BNC2: variants seen among roughly 807,000 people sequenced by gnomAD.
The protein encoded by BNC2 is basonuclin zinc finger protein 2, also known as zinc finger protein basonuclin-2.
In BNC2, 20 loss-of-function variants were observed where a neutral mutation model predicts 76.3. The observed-to-expected ratio is 0.26, with a 90% CI of 0.18 to 0.38. BNC2 has a LOEUF of 0.38. Ranked by LOEUF, BNC2 falls within the 10% of genes least tolerant of loss-of-function variation. The probability of loss-of-function intolerance (pLI) is 1.00; values close to 1 mark genes in which losing one functional copy is unlikely to be tolerated. For synonymous variants in BNC2, 582 were observed against 514.8 expected (o/e 1.13, Z -1.77); for missense variants, 1,382 against 1,399.8 (o/e 0.99, Z 0.20).
intron 5 of BNC2, among the ~76,000 whole-genome samples, chr9:16,472,593 T>A (rs933568734): frequency 6.6e-6 from 1 of 152,202 alleles, no homozygotes; most frequent in Non-Finnish European, 1.5e-5. Flanking sequence ...ACCAGCCTCT[T>A]AGCCTTCAAA....
intron 3 of BNC2, among the ~76,000 whole-genome samples, chr9:16,612,652 C>T (rs768288908): frequency 6.6e-6 from 1 of 152,128 alleles, no homozygotes; most frequent in Non-Finnish European, 1.5e-5. Flanking sequence ...GAGGAATTTA[C>T]AACTGAGTAG....
intron 1 of BNC2, among the ~76,000 whole-genome samples, chr9:16,837,375 G>A (rs1471972767): frequency 2.0e-5 from 3 of 152,068 alleles, no homozygotes; most frequent in African/African-American, 7.2e-5. Flanking sequence ...GTGGTGGCAG[G>A]CGCCTGTAAT....
intron 1 of BNC2, chr9:16,867,266 A>T (rs1819564817): frequency 1.3e-5 from 2 of 152,180 alleles, no homozygotes; most frequent in Non-Finnish European, 2.9e-5. Flanking sequence ...GTTTATATAA[A>T]ACAAAGATGC....
chr9:16,755,898 G>A (rs1220104906), intron 1 of BNC2, among the ~76,000 whole-genome samples: 3 of 152,164 alleles, frequency 2.0e-5, no homozygotes, highest in Non-Finnish European at 4.4e-5. Context: ...TTGTGAATCT[G>A]AGTCCTTACT....
intron 5 of BNC2, among the ~76,000 whole-genome samples, chr9:16,548,857 G>A (rs1818569790): frequency 6.6e-6 from 1 of 152,154 alleles, no homozygotes; most frequent in Non-Finnish European, 1.5e-5. Flanking sequence ...TAAGTACACA[G>A]GAGAATATTG....
intron 4 of BNC2, among the ~76,000 whole-genome samples, chr9:16,556,361 A>T (rs989305044): frequency 2.6e-5 from 4 of 152,168 alleles, no homozygotes; most frequent in Non-Finnish European, 5.9e-5. Context: ...CCTGAGGACG[A>T]TGAAAAGGCG....
At chr9:16,844,943 G>A (rs1388802385) in intron 1 of BNC2, among the ~76,000 whole-genome samples, 1 of 152,142 alleles carries the variant, frequency 6.6e-6, no homozygotes, top group Non-Finnish European at 1.5e-5. Flanking sequence ...GCAGGAGGCA[G>A]CCCCCCAGTT....
At chr9:16,760,750 G>A (rs1825529717) in intron 1 of BNC2, among the ~76,000 whole-genome samples, 1 of 152,150 alleles carries the variant, frequency 6.6e-6, no homozygotes, top group Admixed American at 6.5e-5. Flanking sequence ...TAACCACAGA[G>A]AAGGTGGCAA....
intron 5 of BNC2, among the ~76,000 whole-genome samples, chr9:16,527,606 G>T (rs1817845051): frequency 6.6e-6 from 1 of 152,160 alleles, no homozygotes; most frequent in African/African-American, 2.4e-5. Context: ...ACTTTTCTGT[G>T]AACGACAACT....
chr9:16,803,580 G>T (rs1256110461), intron 1 of BNC2, among the ~76,000 whole-genome samples: 1 of 152,178 alleles, frequency 6.6e-6, no homozygotes, highest in Non-Finnish European at 1.5e-5. Context: ...TTATAATCTG[G>T]CTGGGCCCCA....
At chr9:16,810,007 G>A (rs1313371020) in intron 1 of BNC2, among the ~76,000 whole-genome samples, 2 of 152,112 alleles carry the variant, frequency 1.3e-5, no homozygotes, top group East Asian at 3.9e-4. Flanking sequence ...CCTCTAGGAT[G>A]ATAAAATGCA....
chr9:16,650,844 A>G (rs973423633), intron 3 of BNC2, among the ~76,000 whole-genome samples: 2 of 152,212 alleles, frequency 1.3e-5, no homozygotes, highest in Non-Finnish European at 2.9e-5. Context: ...AACTTTTAGA[A>G]AATTATAGGT....
At chr9:16,799,950 C>A (rs879429568) in intron 1 of BNC2, among the ~76,000 whole-genome samples, 8 of 151,912 alleles carry the variant, frequency 5.3e-5, no homozygotes, top group Non-Finnish European at 7.4e-5. Context: ...AGAGGCCGGG[C>A]GCGGTGGCTC....
intron 1 of BNC2, among the ~76,000 whole-genome samples, chr9:16,761,612 G>C (rs948894950): frequency 6.6e-6 from 1 of 152,130 alleles, no homozygotes; most frequent in African/African-American, 2.4e-5. Flanking sequence ...AATTTATAAA[G>C]CAACATACTC....
At chr9:16,464,094 C>CAAAAAA (rs1324549679) in intron 5 of BNC2, among the ~76,000 whole-genome samples, 10 of 34,704 alleles carry the variant, frequency 2.9e-4, no homozygotes, top group East Asian at 1.3e-3. Flanking sequence ...ACCCTGTCTC[C>CAAAAAA]AAAAAAAAAA....
intron 2 of BNC2, among the ~76,000 whole-genome samples, chr9:16,736,479 CTTT>C (rs1161339565): frequency 2.1e-5 from 3 of 141,242 alleles, no homozygotes; most frequent in Admixed American, 7.1e-5. Flanking sequence ...ATGATTATTT[CTTT>C]TTTTTTTTTT....
chr9:16,637,981 T>A (rs1821377428), intron 3 of BNC2, among the ~76,000 whole-genome samples: 1 of 152,236 alleles, frequency 6.6e-6, no homozygotes, highest in South Asian at 2.1e-4. Flanking sequence ...TAGGTGTGGC[T>A]GATAACAAAA....
At chr9:16,440,925 T>C (rs1406896557) in intron 5 of BNC2, among the ~76,000 whole-genome samples, 1 of 152,166 alleles carries the variant, frequency 6.6e-6, no homozygotes, top group African/African-American at 2.4e-5. Flanking sequence ...TTTACACAGA[T>C]AAACAACAAA....
At chr9:16,751,660 A>ATATATATGTG (rs1825207591) in intron 1 of BNC2, among the ~76,000 whole-genome samples, 1 of 78,878 alleles carries the variant, frequency 1.3e-5, no homozygotes, top group East Asian at 2.1e-4. Context: ...GTATATATAT[A>ATATATATGTG]TGTATGTATG....
Sources: gnomAD v4.1 joint callset for allele counts (sites outside exome capture counted in the v4.1 genomes callset) on GRCh38, gnomAD v4.1.1 for gene constraint, MANE v1.5 for transcripts, NCBI Gene and HGNC (gene_info 2026-07-23, HGNC 2026-07-21) for gene names.